ARHGAP42: variants seen among roughly 807,000 people sequenced by gnomAD.
ARHGAP42 encodes the protein Rho GTPase activating protein 42.
Under a neutral mutation model 125.0 loss-of-function variants are expected in ARHGAP42, and 63 were observed. The observed-to-expected ratio is 0.50, with a 90% CI of 0.41 to 0.62. The LOEUF is 0.62. ARHGAP42 is among the 20% of genes least tolerant of loss of function. The pLI is 0.00. For synonymous variants in ARHGAP42, 339 were observed against 351.0 expected (o/e 0.97, Z 0.38); for missense variants, 766 against 1,024.2 (o/e 0.75, Z 3.44).
At chr11:100,850,273 C>A (rs528333402) in intron 3 of ARHGAP42, among the ~76,000 whole-genome samples, 1 of 152,182 alleles carries the variant, frequency 6.6e-6, no homozygotes, top group African/African-American at 2.4e-5. Flanking sequence ...ACGTAGGCTA[C>A]GTGGTTCCAC....
chr11:100,909,112 C>A (rs921898168), intron 4 of ARHGAP42, among the ~76,000 whole-genome samples: 13 of 152,016 alleles, frequency 8.6e-5, no homozygotes, highest in Admixed American at 3.9e-4. Flanking sequence ...GATTGAATTC[C>A]TTGTAGGTTA....
chr11:100,897,795 A>G (rs575122551), intron 4 of ARHGAP42, among the ~76,000 whole-genome samples: 2 of 152,176 alleles, frequency 1.3e-5, no homozygotes, highest in South Asian at 4.1e-4. Flanking sequence ...AACAGGGACA[A>G]TTTGACTTCC....
intron 3 of ARHGAP42, chr11:100,839,428 C>T (rs577469553): frequency 1.3e-5 from 2 of 152,198 alleles, no homozygotes; most frequent in East Asian, 3.9e-4. Context: ...ATAACTTCCA[C>T]ACACCAGCTA....
intron 4 of ARHGAP42, among the ~76,000 whole-genome samples, chr11:100,895,169 A>G (rs1001336794): frequency 6.6e-6 from 1 of 152,204 alleles, no homozygotes; most frequent in Non-Finnish European, 1.5e-5. Flanking sequence ...CCAGTGGTAA[A>G]ACGGAGAGGA....
chr11:100,695,348 G>A (rs1004830243), intron 1 of ARHGAP42, among the ~76,000 whole-genome samples: 2 of 152,202 alleles, frequency 1.3e-5, no homozygotes, highest in African/African-American at 4.8e-5. Flanking sequence ...TTGATGCCCA[G>A]GTTGGAATGC....
intron 3 of ARHGAP42, among the ~76,000 whole-genome samples, chr11:100,797,275 A>G (rs1863740295): frequency 6.6e-6 from 1 of 152,354 alleles, no homozygotes; most frequent in South Asian, 2.1e-4. Context: ...AGGTGGCTAT[A>G]CTAAACAACA....
chr11:100,884,323 G>C (rs1047634763), intron 4 of ARHGAP42, among the ~76,000 whole-genome samples: 1 of 152,048 alleles, frequency 6.6e-6, no homozygotes, highest in African/African-American at 2.4e-5. Context: ...TGTTGTTCTT[G>C]CTGTTGGTTT....
rs1221769444 is a variant in ARHGAP42 at position 100,735,704 on chromosome 11, G to T, written c.155-34639G>T. 2.7e-5 allele frequency among the ~76,000 whole-genome samples: 4 copies of T among 150,850 alleles called. No individual in the cohort carries two copies. In the Admixed American group the frequency reaches 2.7e-4, roughly 10 times the overall value. On this transcript the variant is annotated intron_variant, in intron 1 of 23. Coordinates refer to ENST00000298815, the MANE Select transcript of ARHGAP42 (RefSeq NM_152432.4). Reference sequence around the variant, plus strand: ...GCTCACTGCAACCTCAGCCTCCTGGGTTCAAGCGAGTCTCCTGCCTCAGAC... The same window carrying T: ...GCTCACTGCAACCTCAGCCTCCTGGTTTCAAGCGAGTCTCCTGCCTCAGAC...
chr11:100,922,111 A>T (rs1867289939), intron 6 of ARHGAP42, among the ~76,000 whole-genome samples: 2 of 152,128 alleles, frequency 1.3e-5, no homozygotes. Context: ...TTTTAAAAAG[A>T]GGATGTGCAT....
At chr11:100,983,252 T>C (rs1044099551) in intron 22 of ARHGAP42, among the ~76,000 whole-genome samples, 1 of 152,178 alleles carries the variant, frequency 6.6e-6, no homozygotes, top group African/African-American at 2.4e-5. Flanking sequence ...TTATTGAAAA[T>C]AAGAATAAGC....
At chr11:100,719,546 A>C (rs962128954) in intron 1 of ARHGAP42, among the ~76,000 whole-genome samples, 1 of 152,192 alleles carries the variant, frequency 6.6e-6, no homozygotes, top group Admixed American at 6.5e-5. Flanking sequence ...ACTTGGCAGC[A>C]AGCTGGAGGT....
intron 3 of ARHGAP42, among the ~76,000 whole-genome samples, chr11:100,800,025 A>G (rs533675624): frequency 2.6e-5 from 4 of 152,316 alleles, no homozygotes; most frequent in South Asian, 2.1e-4. Context: ...TAAGGGGACT[A>G]TGGTCAGCAA....
intron 10 of ARHGAP42, among the ~76,000 whole-genome samples, chr11:100,946,572 A>T (rs1868024521): frequency 6.6e-6 from 1 of 152,008 alleles, no homozygotes; most frequent in South Asian, 2.1e-4. Flanking sequence ...TAATTTTAAT[A>T]TTGTTGTATC....
chr11:100,844,598 A>T (rs1296371721), intron 3 of ARHGAP42, among the ~76,000 whole-genome samples: 1 of 151,874 alleles, frequency 6.6e-6, no homozygotes. Flanking sequence ...AAACAAATCA[A>T]CAAGAAAAAA....
At chr11:100,908,113 ACTT>A (rs1193993017) in intron 4 of ARHGAP42, among the ~76,000 whole-genome samples, 3 of 152,206 alleles carry the variant, frequency 2.0e-5, no homozygotes, top group Non-Finnish European at 4.4e-5. Context: ...ATTTTTAAAA[ACTT>A]CTAGTAATAT....
At position 100,782,510 on chromosome 11, in the gene ARHGAP42, A is replaced by G. The variant is rs550823601; in HGVS notation, c.250+12072A>G. 5.9e-5 allele frequency among the ~76,000 whole-genome samples: 9 copies of G among 152,364 alleles called. No homozygotes were observed. In the South Asian group the frequency reaches 1.9e-3, roughly 32 times the overall value. On this transcript the variant is annotated intron_variant, in intron 2 of 23. Transcript: ENST00000298815. ...TAATGGAACTAATTGGCAAAAAAGT[A>G]AGGACAAACATATGAGCAAGGAAGA...
chr11:100,828,446 T>A (rs888761866), intron 3 of ARHGAP42, among the ~76,000 whole-genome samples: 8 of 152,260 alleles, frequency 5.3e-5, no homozygotes, highest in Non-Finnish European at 1.2e-4. Flanking sequence ...AACTACCTCA[T>A]TGTCTCTGAC....
chr11:100,705,200 A>G (rs1861465193), intron 1 of ARHGAP42, among the ~76,000 whole-genome samples: 1 of 152,218 alleles, frequency 6.6e-6, no homozygotes, highest in African/African-American at 2.4e-5. Context: ...GGCTAAAAGA[A>G]ACAGAGGGGT....
At chr11:100,868,338 A>T (rs779354043) in intron 4 of ARHGAP42, among the ~76,000 whole-genome samples, 2 of 152,136 alleles carry the variant, frequency 1.3e-5, no homozygotes, top group Non-Finnish European at 2.9e-5. Context: ...AGGTTGCAGA[A>T]TTATTCACTT....
Sources: gnomAD v4.1 joint callset for allele counts (sites outside exome capture counted in the v4.1 genomes callset) on GRCh38, gnomAD v4.1.1 for gene constraint, MANE v1.5 for transcripts, NCBI Gene and HGNC (gene_info 2026-07-23, HGNC 2026-07-21) for gene names.